The following CHRDL2 variants were observed in gnomAD, a reference collection of about 807,000 sequenced individuals.
CHRDL2 encodes chordin like 2.
A neutral mutation model predicts 54.3 loss-of-function variants in CHRDL2; 41 were observed. That is an observed-to-expected ratio of 0.76 (90% confidence interval 0.59 to 0.98). The LOEUF is 0.98. CHRDL2 is among the 50% of genes least tolerant of loss of function. CHRDL2 has a pLI of 0.00. For missense variants in CHRDL2, 518 were observed against 562.4 expected (o/e 0.92, Z 0.80); for synonymous variants, 220 against 224.3 (o/e 0.98, Z 0.17).
chr11:74,713,530 C>T, intron 2 of CHRDL2, 51 bp from the exon 3 acceptor site: 1 of 1,449,452 alleles, frequency 6.9e-7, no homozygotes, highest in East Asian at 2.3e-5. Context: ...TCGTCTTCCA[C>T]CTGTACCTGT....
intron 5 of CHRDL2, 50 bp downstream of exon 5, chr11:74,708,252 C>A: frequency 4.5e-6 from 6 of 1,320,558 alleles, no homozygotes; most frequent in Non-Finnish European, 6.2e-6. Context: ...TGGCTAGGCC[C>A]ATGGAGTGGA....
intron 1 of CHRDL2, among the ~76,000 whole-genome samples, chr11:74,728,080 G>A (rs1376361539): frequency 2.6e-5 from 4 of 152,104 alleles, no homozygotes; most frequent in Non-Finnish European, 5.9e-5. Flanking sequence ...GCTTGTGGCT[G>A]GAATTGCAAC....
At chr11:74,713,285 A>G in intron 3 of CHRDL2, 101 bp downstream of exon 3, 1 of 979,664 alleles carries the variant, frequency 1.0e-6, no homozygotes, top group Non-Finnish European at 1.6e-6. Flanking sequence ...TCTGATGGGT[A>G]GAGACTGCCC....
chr11:74,720,192 C>T (rs1286395492), intron 1 of CHRDL2: 3 of 152,444 alleles, frequency 2.0e-5, no homozygotes, highest in African/African-American at 7.2e-5. Flanking sequence ...TTAGATAACG[C>T]TTGTAAAGTG....
rs75874747 is a variant in CHRDL2 at position 74,723,466 on chromosome 11, C to T, written c.83-4634G>A. ...ACAATTTCACAAATAGAAGATTCATCCTTACTGTAGATCTTAGCAAACTCA... is the reference window on the plus strand; with the variant it reads ...ACAATTTCACAAATAGAAGATTCATTCTTACTGTAGATCTTAGCAAACTCA... On this transcript the variant is annotated intron_variant, in intron 1 of 10. Coordinates refer to ENST00000376332, the MANE Select transcript of CHRDL2 (RefSeq NM_001278473.3). Among the ~76,000 whole-genome samples, 758 of 152,266 alleles carry T rather than the reference C, an allele frequency of 5.0e-3. 6 individuals are homozygous for T. The highest frequency in any genetic ancestry group is 0.017 in the African/African-American group (726 of 41,548).
intron 1 of CHRDL2, among the ~76,000 whole-genome samples, chr11:74,725,068 A>C (rs1366971194): frequency 1.3e-5 from 2 of 151,282 alleles, no homozygotes; most frequent in African/African-American, 4.9e-5. Context: ...ATCTCTGCTC[A>C]CTGCAACCTC....
chr11:74,730,641 C>T (rs1198665906), intron 1 of CHRDL2, among the ~76,000 whole-genome samples, 166 bp downstream of exon 1: 1 of 152,236 alleles, frequency 6.6e-6, no homozygotes, highest in African/African-American at 2.4e-5. Flanking sequence ...TGCCGAGTTC[C>T]TCCGGTCCCC....
chr11:74,719,905 T>C (rs1451604926), intron 1 of CHRDL2, among the ~76,000 whole-genome samples: 1 of 152,066 alleles, frequency 6.6e-6, no homozygotes, highest in South Asian at 2.1e-4. Flanking sequence ...ACTGCAGCCT[T>C]GTGCCCTGCC....
chr11:74,716,540 C>CAAAAAAAAAAAAAAAA, intron 2 of CHRDL2, among the ~76,000 whole-genome samples: 1 of 57,644 alleles, frequency 1.7e-5, no homozygotes, highest in Non-Finnish European at 3.5e-5. Context: ...ACTCCATCTC[C>CAAAAAAAAAAAAAAAA]AAAAAAAAAA....
intron 10 of CHRDL2, 45 bp from the exon 11 acceptor site, chr11:74,696,630 A>C (rs755799240): frequency 1.4e-6 from 2 of 1,439,432 alleles, no homozygotes; most frequent in African/African-American, 2.8e-5. Flanking sequence ...ATGTGTCTGC[A>C]CGTGCACAAC....
At chr11:74,702,746 G>A in intron 9 of CHRDL2, 48 bp downstream of exon 9, 2 of 1,603,294 alleles carry the variant, frequency 1.2e-6, no homozygotes, top group Non-Finnish European at 1.7e-6. Flanking sequence ...GGCACGGGAA[G>A]GGGGACTGGC....
At chr11:74,730,480 A>G (rs1244714222) in intron 1 of CHRDL2, among the ~76,000 whole-genome samples, 1 of 151,346 alleles carries the variant, frequency 6.6e-6, no homozygotes, top group Admixed American at 6.6e-5. Flanking sequence ...TCTCCATCAC[A>G]CTCCTTACCT....
chr11:74,711,818 CT>C (rs369068669), intron 3 of CHRDL2, among the ~76,000 whole-genome samples: 30 of 147,614 alleles, frequency 2.0e-4, no homozygotes, highest in Admixed American at 3.4e-4. Flanking sequence ...TCCTTTTTTT[CT>C]TTTTTTTTTG....
rs1270455500 is a variant in CHRDL2, at chr11:74,713,471, A to G, written c.204T>C (p.His68=). ...GACAGTGGAGGCGGTAACAACTCAC[A>G]TGGGCGCCCTGAAGGGGACACAAGG... ...CLRCTCSEGA[H]VSCYRLHCPP... is the part of the protein sequence containing the mutation. Residue 68 remains histidine (H), a synonymous_variant, in exon 3 of 11, where the codon CAT becomes CAC. Coordinates refer to ENST00000376332, the MANE Select transcript of CHRDL2 (RefSeq NM_001278473.3). 1.1e-5 allele frequency: 17 copies of G among 1,614,080 alleles called. No homozygotes were observed. Among genetic ancestry groups the G allele is most frequent in the Non-Finnish European group, 1.4e-5 (16 of 1,179,946 alleles).
At chr11:74,704,922 C>A (rs2033958554) in intron 6 of CHRDL2, among the ~76,000 whole-genome samples, 1 of 152,090 alleles carries the variant, frequency 6.6e-6, no homozygotes. Context: ...GAGCCAGGGG[C>A]CTTGGGGTTG....
intron 9 of CHRDL2, chr11:74,701,342 A>G (rs983891331): frequency 4.9e-6 from 2 of 407,080 alleles, no homozygotes; most frequent in Non-Finnish European, 8.7e-6. Context: ...CAGAGTTAGG[A>G]TTCGAACCCA....
chr11:74,724,999 C>CTT (rs796745469), intron 1 of CHRDL2, among the ~76,000 whole-genome samples: 28 of 145,396 alleles, frequency 1.9e-4, no homozygotes, highest in South Asian at 1.3e-3. Context: ...TTCTTTCATT[C>CTT]TTTTTTTTTT....
intron 1 of CHRDL2, among the ~76,000 whole-genome samples, chr11:74,719,959 G>A (rs1591368441): frequency 2.0e-5 from 3 of 152,034 alleles, no homozygotes; most frequent in Admixed American, 2.0e-4. Flanking sequence ...CTCTACGCAG[G>A]TACCTAGCGA....
At chr11:74,706,601 C>T (rs1385342865) in intron 5 of CHRDL2, 59 bp from the exon 6 acceptor site, 2 of 1,532,046 alleles carry the variant, frequency 1.3e-6, no homozygotes, top group East Asian at 2.2e-5. Flanking sequence ...CTGGCTAGAG[C>T]CCTGAGGCCT....
Sources: allele counts gnomAD v4.1 joint callset (sites outside exome capture counted in the v4.1 genomes callset), GRCh38; gene constraint gnomAD v4.1.1; transcripts MANE v1.5; gene names NCBI Gene and HGNC (gene_info 2026-07-23, HGNC 2026-07-21).